The following DUSP10 variants were observed in gnomAD, a reference collection of about 807,000 sequenced individuals.
The protein encoded by DUSP10 is dual specificity protein phosphatase 10.
A neutral mutation model predicts 30.8 loss-of-function variants in DUSP10; 14 were observed. The ratio of observed to expected loss-of-function variants is 0.46; its 90% CI spans 0.30 to 0.71. The LOEUF is 0.71. Among genes scored for constraint, DUSP10 ranks in the 30% least tolerant of loss-of-function variants. The pLI, the probability that DUSP10 is intolerant of heterozygous loss-of-function variation, is 0.08. For synonymous variants in DUSP10, 254 were observed against 250.4 expected, an observed-to-expected ratio of 1.01 and a Z score of -0.14; for missense variants, 550 against 619.4, an observed-to-expected ratio of 0.89 and a Z score of 1.19.
Position 221,702,545 on chromosome 1 carries a change from T to C in DUSP10, c.1316A>G (p.Lys439Arg), listed in dbSNP as rs1184799906. The change falls in exon 4 of 4, where the codon AAA becomes AGA. Residue 439 changes from lysine to arginine, a missense_variant. By Grantham distance (26) the Lys-to-Arg change is conservative (BLOSUM62 2). Transcript: ENST00000366899. The surrounding 1 kb of genome is among the most constrained non-coding windows in gnomAD (Gnocchi z 4.5). The stretch of plus-strand genomic sequence containing the variant: ...TGGGGAGATAATTGGTCGTTTGCCT[T>C]TGACAAATTTATAAGCATCAGTCAT... Reference protein sequence around the residue: ...MTMTDAYKFVKGKRPIISPNL... With the variant: ...MTMTDAYKFVRGKRPIISPNL... 1.2e-6 allele frequency: 2 copies of C among 1,614,062 alleles called. No homozygotes were observed. Among genetic ancestry groups the C allele is most frequent in the East Asian group, 4.5e-5 (2 of 44,890 alleles).
At chr1:221,726,032 A>T (rs1303654067) in intron 2 of DUSP10, among the ~76,000 whole-genome samples, 2 of 152,240 alleles carry the variant, frequency 1.3e-5, no homozygotes, top group African/African-American at 4.8e-5. Flanking sequence ...TATGTGCCTT[A>T]CAGGACATGT....
At chr1:221,722,055 A>G (rs12034850) in intron 2 of DUSP10, among the ~76,000 whole-genome samples, 1,777 of 152,324 alleles carry the variant, frequency 0.012, 51 homozygotes, top group East Asian at 0.062. Context: ...AGTAATTTGG[A>G]GTTCCTCTTA....
chr1:221,737,307 G>A, intron 2 of DUSP10: 1 of 985,316 alleles, frequency 1.0e-6, no homozygotes, highest in East Asian at 1.1e-4. Flanking sequence ...ATGATCATTG[G>A]CTATCCTCCT....
intron 2 of DUSP10, among the ~76,000 whole-genome samples, chr1:221,736,096 C>T (rs1441357586): frequency 6.6e-6 from 1 of 152,156 alleles, no homozygotes; most frequent in Non-Finnish European, 1.5e-5. Flanking sequence ...GTAACTTAAT[C>T]CCAGGGGCTG....
At chr1:221,724,967 A>C (rs1661384066) in intron 2 of DUSP10, among the ~76,000 whole-genome samples, 1 of 152,234 alleles carries the variant, frequency 6.6e-6, no homozygotes, top group Non-Finnish European at 1.5e-5. Context: ...AGTAGCCACG[A>C]CAATAGCTTT....
At position 221,706,325 on chromosome 1, in the gene DUSP10, T is replaced by C. The variant is rs1660758972; in HGVS notation, c.953A>G (p.Glu318Gly). The C allele has an allele frequency of 1.2e-6, 2 of 1,613,382 alleles. No homozygotes were observed. The highest frequency in any genetic ancestry group is 2.2e-5 in the South Asian group (2 of 91,076). ...CAAGATGGGGGTGAGCTCAGCGTTC[T>C]CGATGTCAGGGGTGGTGGGGATGGG... Reference protein sequence around the residue: ...PQPIPTTPDIENAELTPILPF... With the variant: ...PQPIPTTPDIGNAELTPILPF... The change falls in exon 3 of 4, where the codon GAG becomes GGG. Residue 318 changes from glutamate to glycine, a missense_variant. Glu to Gly is a moderately conservative substitution (Grantham distance 98). Coordinates refer to ENST00000366899, the MANE Select transcript of DUSP10 (RefSeq NM_007207.6). The surrounding 1 kb of genome is among the most constrained non-coding windows in gnomAD (Gnocchi z 4.6).
Position 221,739,690 on chromosome 1 carries a change from G to A in DUSP10, c.55C>T (p.Arg19Ter), listed in dbSNP as rs370026750. 5.0e-6 allele frequency: 8 copies of A among 1,613,638 alleles called. No individual in the cohort carries two copies. The highest frequency in any genetic ancestry group is 2.7e-5 in the African/African-American group (2 of 74,918). The change falls in exon 2 of 4, where the codon CGA becomes TGA. Residue 19 changes from arginine to a stop codon, truncating the protein, a stop_gained. Transcript: ENST00000366899. LOFTEE classifies it high-confidence loss of function. ...AAACAAAGGTTGAGATCCTGAGGTC[G>A]GACGGGCCTAGATAGTGCCACTACT... ...RVVVALSRPV[R>*]PQDLNLCLDS...
chr1:221,729,442 G>T (rs1321719418), intron 2 of DUSP10, among the ~76,000 whole-genome samples: 1 of 152,076 alleles, frequency 6.6e-6, no homozygotes, highest in Non-Finnish European at 1.5e-5. Flanking sequence ...AAAGAATTTG[G>T]GCTTTGAAAT....
chr1:221,740,307 A>C (rs1661914010), intron 1 of DUSP10, among the ~76,000 whole-genome samples: 1 of 152,250 alleles, frequency 6.6e-6, no homozygotes, highest in Non-Finnish European at 1.5e-5. Flanking sequence ...AATATACATC[A>C]GGGTGGATGT....
chr1:221,736,304 A>G (rs1311618354), intron 2 of DUSP10, among the ~76,000 whole-genome samples: 2 of 152,304 alleles, frequency 1.3e-5, no homozygotes, highest in East Asian at 3.9e-4. Context: ...GCCATAAATT[A>G]CCCAAGATTG....
At chr1:221,727,361 T>C (rs548970536) in intron 2 of DUSP10, among the ~76,000 whole-genome samples, 1 of 152,354 alleles carries the variant, frequency 6.6e-6, no homozygotes, top group South Asian at 2.1e-4. Flanking sequence ...GATTATATAC[T>C]GGTTGGGCTT....
intron 2 of DUSP10, among the ~76,000 whole-genome samples, chr1:221,715,845 A>G (rs1661087935): frequency 6.6e-6 from 1 of 152,158 alleles, no homozygotes; most frequent in African/African-American, 2.4e-5. Flanking sequence ...GTTTTGCAGA[A>G]GTCAGTGAGA....
At chr1:221,719,050 A>C (rs1406055997) in intron 2 of DUSP10, among the ~76,000 whole-genome samples, 2 of 152,210 alleles carry the variant, frequency 1.3e-5, no homozygotes, top group Non-Finnish European at 2.9e-5. Context: ...AAAATGCTGC[A>C]TCTGAGTTTG....
At chr1:221,733,613 G>A (rs894860590) in intron 2 of DUSP10, among the ~76,000 whole-genome samples, 1 of 152,258 alleles carries the variant, frequency 6.6e-6, no homozygotes, top group African/African-American at 2.4e-5. Flanking sequence ...GAGAGTAGGA[G>A]AGCAGGGTCC....
intron 3 of DUSP10, among the ~76,000 whole-genome samples, chr1:221,705,049 T>TA (rs201996789): frequency 0.011 from 1,712 of 149,190 alleles, 38 homozygotes; most frequent in African/African-American, 0.04. Flanking sequence ...TGAAGTTACG[T>TA]AAAAAAAAAT....
At position 221,739,076 on chromosome 1, in the gene DUSP10, G is replaced by C; in HGVS notation, c.669C>G (p.Asp223Glu). 6.2e-7 allele frequency: 1 copy of C among 1,614,204 alleles called. No homozygotes were observed. The highest frequency in any genetic ancestry group is 8.5e-7 in the Non-Finnish European group (1 of 1,180,046). The change falls in exon 2 of 4, where the codon GAC (aspartate) becomes GAG (glutamate). Residue 223 changes from aspartate (D) to glutamate (E), a missense_variant. By Grantham distance (45) the Asp-to-Glu change is conservative. Transcript: ENST00000366899. ...CTTTGGAAAAGATCCTCTTGAAAGA[G>C]TCCTTGCCTTCCCTACAGGAAATCA... ...LDLISCREGKDSFKRIFSKEI... is the reference protein window; with the variant it reads ...LDLISCREGKESFKRIFSKEI...
chr1:221,732,158 G>A (rs1225165881), intron 2 of DUSP10, among the ~76,000 whole-genome samples: 1 of 152,172 alleles, frequency 6.6e-6, no homozygotes, highest in Non-Finnish European at 1.5e-5. Flanking sequence ...TTAGTGCCTA[G>A]CACACCAAAG....
At chr1:221,719,372 C>T (rs1661212089) in intron 2 of DUSP10, among the ~76,000 whole-genome samples, 1 of 152,042 alleles carries the variant, frequency 6.6e-6, no homozygotes, top group South Asian at 2.1e-4. Flanking sequence ...CAGCCATGTC[C>T]AATGATCACA....
chr1:221,721,744 T>C (rs1038332414), intron 2 of DUSP10, among the ~76,000 whole-genome samples: 3 of 152,156 alleles, frequency 2.0e-5, no homozygotes, highest in Non-Finnish European at 2.9e-5. Flanking sequence ...AAGGTAGTCA[T>C]GAAAGGGAAA....
Sources: gnomAD v4.1 joint callset for allele counts (sites outside exome capture counted in the v4.1 genomes callset) on GRCh38, gnomAD v4.1.1 for gene constraint, Gnocchi (gnomAD v3.1) non-coding constraint, MANE v1.5 for transcripts, NCBI Gene and HGNC (gene_info 2026-07-23, HGNC 2026-07-21) for gene names.